PARD3: variants seen among roughly 807,000 people sequenced by gnomAD.
PARD3 encodes the protein partitioning defective 3 homolog.
A neutral mutation model predicts 155.4 loss-of-function variants in PARD3; 75 were observed. The observed-to-expected ratio is 0.48, with a 90% CI of 0.40 to 0.58. The LOEUF is 0.58. Ranked by LOEUF, PARD3 falls within the 20% of genes least tolerant of loss-of-function variation. The pLI, the probability that PARD3 is intolerant of heterozygous loss-of-function variation, is 0.00. For synonymous variants in PARD3, 576 were observed against 610.5 expected, an observed-to-expected ratio of 0.94 and a Z score of 0.83; for missense variants, 1,642 against 1,721.7, an observed-to-expected ratio of 0.95 and a Z score of 0.82.
intron 22 of PARD3, among the ~76,000 whole-genome samples, chr10:34,265,363 G>A (rs1031789221): frequency 1.3e-5 from 2 of 152,176 alleles, no homozygotes; most frequent in Non-Finnish European, 2.9e-5. Flanking sequence ...ATCCCTGGCT[G>A]TTTCCATGTG....
chr10:34,531,772 T>C (rs2082874586), intron 2 of PARD3, among the ~76,000 whole-genome samples: 1 of 152,168 alleles, frequency 6.6e-6, no homozygotes, highest in South Asian at 2.1e-4. Context: ...TTTGGGAGCA[T>C]TTCCAGCATC....
At chr10:34,229,890 T>C (rs1952828503) in intron 22 of PARD3, among the ~76,000 whole-genome samples, 1 of 152,146 alleles carries the variant, frequency 6.6e-6, no homozygotes, top group African/African-American at 2.4e-5. Context: ...TTGTGCATTT[T>C]AGTACCTTTT....
chr10:34,775,012 CG>C (rs1839361495), intron 1 of PARD3, among the ~76,000 whole-genome samples: 1 of 152,100 alleles, frequency 6.6e-6, no homozygotes, highest in African/African-American at 2.4e-5. Flanking sequence ...CTGAAGTCAC[CG>C]CTGTGAAAAC....
chr10:34,225,277 G>C (rs1952528425), intron 22 of PARD3, among the ~76,000 whole-genome samples: 1 of 152,050 alleles, frequency 6.6e-6, no homozygotes, highest in Admixed American at 6.6e-5. Flanking sequence ...ACCACAGAGA[G>C]CTTAAATATC....
chr10:34,672,600 T>C (rs1331299178), intron 2 of PARD3, among the ~76,000 whole-genome samples: 4 of 152,148 alleles, frequency 2.6e-5, no homozygotes, highest in Non-Finnish European at 4.4e-5. Context: ...GGAGGACTGC[T>C]CGAGGTCAGG....
At chr10:34,134,866 G>A (rs188971298) in intron 22 of PARD3, among the ~76,000 whole-genome samples, 188 of 152,310 alleles carry the variant, frequency 1.2e-3, no homozygotes, top group African/African-American at 4.2e-3. Flanking sequence ...CAATTGCTCA[G>A]TTCTGTCTCT....
At chr10:34,410,463 C>T (rs1023547726) in intron 5 of PARD3, among the ~76,000 whole-genome samples, 14 of 152,154 alleles carry the variant, frequency 9.2e-5, no homozygotes, top group African/African-American at 3.4e-4. Flanking sequence ...CATCAAAGAA[C>T]ACTTCAACTC....
At chr10:34,445,288 G>A (rs779658900) in intron 5 of PARD3, among the ~76,000 whole-genome samples, 6 of 152,250 alleles carry the variant, frequency 3.9e-5, no homozygotes, top group Non-Finnish European at 8.8e-5. Context: ...TTCCTCTTCT[G>A]CACAAACAAT....
In PARD3 at chr10:34,666,836, C is replaced by CAA. The variant is rs1476181615; in HGVS notation, c.222+29480_222+29481dup. 2.2e-4 allele frequency among the ~76,000 whole-genome samples: 26 copies of CAA among 117,204 alleles called. 1 individual carries two copies. The highest frequency in any genetic ancestry group is 4.0e-4 in the Non-Finnish European group (23 of 57,420). 76.9% of individuals were successfully genotyped at this position (117,204 alleles called of 152,430 possible). A position where few individuals can be genotyped will look rare whatever the true frequency, so the allele number is the denominator to read the frequency against. On this transcript the variant is annotated intron_variant, in intron 2 of 24. Transcript: ENST00000374788. ...ATATATACACACACACACACACACACAAACATACATTTCAGACCTTTTAGA... is the reference window on the plus strand; with the variant it reads ...ATATATACACACACACACACACACACAAAAACATACATTTCAGACCTTTTAGA...
At chr10:34,513,545 T>C (rs770092191) in intron 3 of PARD3, among the ~76,000 whole-genome samples, 1 of 152,236 alleles carries the variant, frequency 6.6e-6, no homozygotes. Flanking sequence ...CCTTCCAAAG[T>C]GCTGGGATTA....
At chr10:34,647,349 C>T (rs1032178233) in intron 2 of PARD3, among the ~76,000 whole-genome samples, 1 of 152,142 alleles carries the variant, frequency 6.6e-6, no homozygotes, top group Non-Finnish European at 1.5e-5. Flanking sequence ...AAGGGAGGAG[C>T]GGATGAGTTA....
intron 12 of PARD3, among the ~76,000 whole-genome samples, chr10:34,370,951 A>C (rs1840536438): frequency 6.6e-6 from 1 of 152,214 alleles, no homozygotes; most frequent in South Asian, 2.1e-4. Flanking sequence ...TGTTATAAAC[A>C]CTACGTAAAC....
At chr10:34,542,920 C>T (rs538683241) in intron 2 of PARD3, among the ~76,000 whole-genome samples, 1 of 152,238 alleles carries the variant, frequency 6.6e-6, no homozygotes. Context: ...TATTTTCACA[C>T]AAGAACTTTA....
intron 2 of PARD3, among the ~76,000 whole-genome samples, chr10:34,664,481 G>A (rs186268992): frequency 2.0e-5 from 3 of 151,226 alleles, no homozygotes; most frequent in East Asian, 3.9e-4. Context: ...GATTATAGGC[G>A]TAAGCCACTG....
chr10:34,308,065 G>A (rs1385349919), intron 20 of PARD3, among the ~76,000 whole-genome samples: 2 of 152,186 alleles, frequency 1.3e-5, no homozygotes, highest in African/African-American at 2.4e-5. Context: ...GGCTATTCCA[G>A]GTAGAGGCAG....
Position 34,416,983 on chromosome 10 carries a change from GGAT to G in PARD3, c.715-15069_715-15067del, listed in dbSNP as rs767385299. 2.6e-5 allele frequency among the ~76,000 whole-genome samples: 4 copies of G among 152,180 alleles called. No individual in the cohort carries two copies. The East Asian group carries it at 5.8e-4, about 22-fold the overall frequency. On this transcript the variant is annotated intron_variant, in intron 5 of 24. Transcript: ENST00000374788. ...AGTTTACAGTTTAACCTTACAGCAAGGATGATAACAGGGGACCCCTTACTCATA... is the reference window on the plus strand; with the variant it reads ...AGTTTACAGTTTAACCTTACAGCAAGGATAACAGGGGACCCCTTACTCATA...
intron 22 of PARD3, among the ~76,000 whole-genome samples, chr10:34,139,037 A>G (rs1948050931): frequency 6.6e-6 from 1 of 151,900 alleles, no homozygotes; most frequent in African/African-American, 2.4e-5. Flanking sequence ...TGTACACATC[A>G]CAGGGCAGAA....
chr10:34,259,097 G>A (rs626371), intron 22 of PARD3, among the ~76,000 whole-genome samples: 97,981 of 151,466 alleles, frequency 0.65, 32,314 homozygotes, highest in African/African-American at 0.77. Context: ...CAAAGGAAGG[G>A]GAAAGCAGTG....
chr10:34,374,987 A>G lies in PARD3; in HGVS notation c.1555T>C (p.Leu519=), dbSNP rs1040343340. ...ACTTCCTCTTGGGATTTGCCCACTA[A>G]ATCTACTCCATTTACCTAAAACAAA... The part of the protein sequence containing the change: ...DRLIEVNGVD[L]VGKSQEEVVS... The change falls in exon 11 of 25, where the codon TTA becomes CTA. Residue 519 remains leucine, a synonymous_variant. Transcript: ENST00000374788. 9.9e-6 allele frequency: 16 copies of G among 1,612,762 alleles called. No homozygotes were observed. The highest frequency in any genetic ancestry group is 1.3e-5 in the Non-Finnish European group (15 of 1,179,630).
Sources: allele counts gnomAD v4.1 joint callset (sites outside exome capture counted in the v4.1 genomes callset), GRCh38; gene constraint gnomAD v4.1.1; transcripts MANE v1.5; gene names NCBI Gene and HGNC (gene_info 2026-07-23, HGNC 2026-07-21).